PCDHA10: variants seen among roughly 807,000 people sequenced by gnomAD.
The protein encoded by PCDHA10 is protocadherin alpha 10.
Under a neutral mutation model 61.2 loss-of-function variants are expected in PCDHA10, and 45 were observed. That is an observed-to-expected ratio of 0.74 (90% confidence interval 0.58 to 0.94). The LOEUF is 0.94. Among genes scored for constraint, PCDHA10 ranks in the 40% least tolerant of loss-of-function variants. The probability of loss-of-function intolerance (pLI) is 0.00; values close to 1 mark genes in which losing one functional copy is unlikely to be tolerated. For synonymous variants in PCDHA10, 602 were observed against 548.8 expected, an observed-to-expected ratio of 1.10 and a Z score of -1.35; for missense variants, 1,278 against 1,236.2, an observed-to-expected ratio of 1.03 and a Z score of -0.51.
intron 1 of PCDHA10, among the ~76,000 whole-genome samples, chr5:140,907,922 G>T (rs1554193181): frequency 6.6e-6 from 1 of 152,174 alleles, no homozygotes; most frequent in Admixed American, 6.5e-5. Context: ...ACTCAGAGAG[G>T]TCCATTCACA....
chr5:140,969,095 C>T, intron 1 of PCDHA10: 1 of 1,614,168 alleles, frequency 6.2e-7, no homozygotes, highest in East Asian at 2.2e-5. Flanking sequence ...AGTGCAGCCT[C>T]ACTTCATTGA....
At chr5:140,908,844 C>T (rs533219921) in intron 1 of PCDHA10, among the ~76,000 whole-genome samples, 2 of 152,272 alleles carry the variant, frequency 1.3e-5, no homozygotes, top group African/African-American at 4.8e-5. Context: ...GCTGGAGTAA[C>T]ATACCCAAAT....
At chr5:140,953,127 G>T (rs909395659) in intron 1 of PCDHA10, among the ~76,000 whole-genome samples, 8 of 152,178 alleles carry the variant, frequency 5.3e-5, no homozygotes, top group African/African-American at 1.4e-4. Flanking sequence ...GATCTAAACC[G>T]TATCACTGTT....
chr5:140,958,135 G>A (rs868969031), intron 1 of PCDHA10, among the ~76,000 whole-genome samples: 1 of 152,036 alleles, frequency 6.6e-6, no homozygotes, highest in Non-Finnish European at 1.5e-5. Flanking sequence ...GTATCAGTGT[G>A]TATATTTATA....
intron 1 of PCDHA10, among the ~76,000 whole-genome samples, chr5:140,970,537 GT>G (rs111648801): frequency 0.029 from 4,476 of 152,214 alleles, 218 homozygotes; most frequent in African/African-American, 0.1. Flanking sequence ...ATGTGTGTGT[GT>G]TTGTGTTGTG....
chr5:140,894,997 T>G (rs566489828), intron 1 of PCDHA10, among the ~76,000 whole-genome samples: 15 of 152,296 alleles, frequency 9.8e-5, no homozygotes, highest in African/African-American at 3.6e-4. Flanking sequence ...TCCTTTACCC[T>G]TTTTACTTGG....
At chr5:140,916,508 T>G (rs2077594251) in intron 1 of PCDHA10, among the ~76,000 whole-genome samples, 1 of 152,200 alleles carries the variant, frequency 6.6e-6, no homozygotes, top group Non-Finnish European at 1.5e-5. Context: ...GTGATTAATC[T>G]TGCCAAGACT....
At position 140,869,273 on chromosome 5, in the gene PCDHA10, C is replaced by A. The variant is rs782135758; in HGVS notation, c.2388+10837C>A. 1.9e-6 allele frequency: 3 copies of A among 1,613,438 alleles called. No homozygotes were observed. Among genetic ancestry groups the A allele is most frequent in the African/African-American group, 2.7e-5 (2 of 74,920 alleles). On this transcript the variant is annotated intron_variant, in intron 1 of 3. Transcript: ENST00000307360. ...GCGCAGGACCTGGGGCTGGAGCTGG[C>A]GGAGCTGGTGCAGCGCCTGTTCCGG...
chr5:140,926,704 T>C (rs1481559865), intron 1 of PCDHA10: 7 of 842,670 alleles, frequency 8.3e-6, no homozygotes, highest in Non-Finnish European at 1.2e-5. Context: ...GGCTCCCAGC[T>C]GGCCAGCCCC....
At chr5:140,966,763 G>C (rs1020607410) in intron 1 of PCDHA10, 1 of 1,470,370 alleles carries the variant, frequency 6.8e-7, no homozygotes, top group Non-Finnish European at 9.0e-7. Flanking sequence ...CGCGGCCAGT[G>C]GCTATGGAGC....
intron 1 of PCDHA10, chr5:140,863,731 A>G (rs1249998987): frequency 1.2e-5 from 3 of 259,294 alleles, no homozygotes; most frequent in Non-Finnish European, 2.3e-5. Context: ...GCGGTAGCTC[A>G]TGCCTATTTG....
At chr5:140,935,264 A>G (rs756476804) in intron 1 of PCDHA10, among the ~76,000 whole-genome samples, 3 of 152,196 alleles carry the variant, frequency 2.0e-5, no homozygotes, top group African/African-American at 7.2e-5. Context: ...TCACATGTTT[A>G]TACTAATCTA....
chr5:140,978,633 CA>C (rs2096813426), intron 1 of PCDHA10, among the ~76,000 whole-genome samples: 1 of 152,214 alleles, frequency 6.6e-6, no homozygotes, highest in South Asian at 2.1e-4. Context: ...TTTCCTTTCT[CA>C]AAGCAGACTG....
intron 1 of PCDHA10, among the ~76,000 whole-genome samples, chr5:140,944,406 C>G (rs1003379783): frequency 6.6e-6 from 1 of 152,084 alleles, no homozygotes; most frequent in African/African-American, 2.4e-5. Flanking sequence ...AGGCTGGTCT[C>G]GAACTCCTGA....
At chr5:140,972,101 A>C (rs114554334) in intron 1 of PCDHA10, among the ~76,000 whole-genome samples, 3,080 of 152,290 alleles carry the variant, frequency 0.02, 42 homozygotes, top group Middle Eastern at 0.075. Flanking sequence ...CTGGCATAGA[A>C]GCAGGTAACA....
intron 1 of PCDHA10, among the ~76,000 whole-genome samples, chr5:140,932,493 T>A (rs148938081): frequency 6.6e-6 from 1 of 152,006 alleles, no homozygotes; most frequent in East Asian, 1.9e-4. Context: ...CTTTGCAATG[T>A]CATTTGTTAA....
chr5:140,968,444 A>G (rs781941315), intron 1 of PCDHA10: 1 of 1,614,048 alleles, frequency 6.2e-7, no homozygotes, highest in South Asian at 1.1e-5. Context: ...CCCACCACTG[A>G]GCAGCACTGT....
At chr5:140,921,856 GTA>G (rs1295273364) in intron 1 of PCDHA10, among the ~76,000 whole-genome samples, 4 of 151,824 alleles carry the variant, frequency 2.6e-5, no homozygotes, top group Non-Finnish European at 5.9e-5. Flanking sequence ...AGATGTGTGT[GTA>G]TATATACAGT....
intron 1 of PCDHA10, chr5:140,862,531 C>T (rs782753899): frequency 4.6e-6 from 2 of 431,454 alleles, no homozygotes; most frequent in Non-Finnish European, 9.4e-6. Flanking sequence ...CCACAGCCAT[C>T]GGGTCCGTGG....
Sources: allele counts gnomAD v4.1 joint callset (sites outside exome capture counted in the v4.1 genomes callset), GRCh38; gene constraint gnomAD v4.1.1; transcripts MANE v1.5; gene names NCBI Gene and HGNC (gene_info 2026-07-23, HGNC 2026-07-21).